The following DMD variants were observed in gnomAD, a reference collection of about 807,000 sequenced individuals.
DMD encodes mutant dystrophin.
A neutral mutation model predicts 330.1 loss-of-function variants in DMD; 63 were observed. The ratio of observed to expected loss-of-function variants is 0.19; its 90% CI spans 0.16 to 0.24. DMD has a LOEUF of 0.24. Among genes scored for constraint, DMD ranks in the 10% least tolerant of loss-of-function variants. DMD has a pLI of 1.00. For synonymous variants in DMD, 1,223 were observed against 959.8 expected, an observed-to-expected ratio of 1.27 and a Z score of -5.07; for missense variants, 3,344 against 2,684.1, an observed-to-expected ratio of 1.25 and a Z score of -5.43.
At chrX:33,096,473 T>G (rs2095166453) in intron 1 of DMD, among the ~76,000 whole-genome samples, 1 of 110,966 alleles carries the variant, frequency 9.0e-6, no homozygotes, top group Admixed American at 9.6e-5. Flanking sequence ...TGCGATCTGT[T>G]TGAAGCCATG....
intron 45 of DMD, among the ~76,000 whole-genome samples, chrX:31,966,957 GTATA>G (rs1300132943): frequency 9.1e-6 from 1 of 109,396 alleles, no homozygotes; most frequent in Non-Finnish European, 1.9e-5. Context: ...AATTCTCTCC[GTATA>G]TATATATTTA....
intron 11 of DMD, among the ~76,000 whole-genome samples, chrX:32,632,436 T>C (rs7055232): frequency 5.5e-4 from 62 of 112,058 alleles, no homozygotes; most frequent in African/African-American, 1.9e-3. Context: ...TTCTTACAGG[T>C]CCACTAGGCA....
intron 2 of DMD, among the ~76,000 whole-genome samples, chrX:32,966,318 T>C (rs1031812883): frequency 9.0e-6 from 1 of 111,591 alleles, no homozygotes; most frequent in Admixed American, 9.6e-5. Flanking sequence ...AAAAATCATC[T>C]TGCAGATACA....
At chrX:32,827,660 CTTTTTT>C (rs5902039) in intron 4 of DMD, among the ~76,000 whole-genome samples, 1 of 72,283 alleles carries the variant, frequency 1.4e-5, no homozygotes, top group African/African-American at 5.6e-5. Context: ...ATTAACTCCC[CTTTTTT>C]TTTTTTTTTT....
At chrX:32,474,208 T>TACACAC (rs3045001) in intron 21 of DMD, among the ~76,000 whole-genome samples, 65 of 41,320 alleles carry the variant, frequency 1.6e-3, no homozygotes, top group African/African-American at 2.8e-3. Flanking sequence ...CATACATACA[T>TACACAC]ACACACACAC....
chrX:32,289,741 A>C (rs760760144), intron 42 of DMD, among the ~76,000 whole-genome samples: 1 of 111,634 alleles, frequency 9.0e-6, no homozygotes, highest in South Asian at 3.8e-4. Context: ...ATGCATGGCA[A>C]TGTCAAGAAG....
chrX:31,215,535 C>T (rs1375521884), intron 64 of DMD, among the ~76,000 whole-genome samples: 1 of 111,798 alleles, frequency 8.9e-6, no homozygotes, highest in Non-Finnish European at 1.9e-5. Context: ...GTTCTTCTTT[C>T]ACAGGACATA....
chrX:31,672,856 G>A (rs1460877181), intron 53 of DMD, among the ~76,000 whole-genome samples: 1 of 111,888 alleles, frequency 8.9e-6, no homozygotes, highest in Non-Finnish European at 1.9e-5. Flanking sequence ...ATTCTCCAGA[G>A]CTTCACTGGA....
intron 44 of DMD, among the ~76,000 whole-genome samples, chrX:32,135,717 C>T (rs2096721437): frequency 8.9e-6 from 1 of 112,221 alleles, no homozygotes; most frequent in Non-Finnish European, 1.9e-5. Flanking sequence ...AAGACTTTGT[C>T]TCAAAAAAAT....
In DMD at chrX:32,468,516, A is replaced by C; in HGVS notation, c.3144T>G (p.Asn1048Lys). Residue 1048 changes from asparagine (N) to lysine (K), a missense_variant, in exon 23 of 79, where the codon AAT becomes AAG. Physicochemically the swap from Asn to Lys is moderately conservative, Grantham distance 94. Transcript: ENST00000357033. The part of the protein sequence containing the change: ...EHCQKLEEQM[N>K]KLRKIQNHIQ... Reference sequence around the variant, plus strand: ...GAATTACCTGAATTTTTCGGAGTTTATTCATTTGCTCCTCTAGCTTTTGAC... The same window carrying C: ...GAATTACCTGAATTTTTCGGAGTTTCTTCATTTGCTCCTCTAGCTTTTGAC... The C allele has an allele frequency of 8.3e-7, 1 of 1,207,804 alleles. No homozygotes were observed.
chrX:31,284,492 C>T (rs1351046458), intron 62 of DMD, among the ~76,000 whole-genome samples: 1 of 111,105 alleles, frequency 9.0e-6, no homozygotes, highest in Non-Finnish European at 1.9e-5. Flanking sequence ...CTTTGTATCA[C>T]TGCCATGGTG....
chrX:31,833,136 T>C (rs966335151), intron 49 of DMD, among the ~76,000 whole-genome samples: 5 of 111,034 alleles, frequency 4.5e-5, no homozygotes. Context: ...TAATATATTA[T>C]ACCAAAACTA....
intron 2 of DMD, among the ~76,000 whole-genome samples, chrX:32,939,336 G>C (rs764710943): frequency 1.8e-5 from 2 of 109,062 alleles, no homozygotes; most frequent in Non-Finnish European, 3.8e-5. Context: ...AAACACTAAT[G>C]ACCAAAAAAC....
At chrX:31,410,040 G>C (rs1430618579) in intron 60 of DMD, among the ~76,000 whole-genome samples, 1 of 111,684 alleles carries the variant, frequency 9.0e-6, no homozygotes, top group Non-Finnish European at 1.9e-5. Flanking sequence ...GGCTGGTCTT[G>C]AACGTCTGAC....
chrX:32,696,296 T>G (rs1174096903), intron 9 of DMD, among the ~76,000 whole-genome samples: 1 of 112,070 alleles, frequency 8.9e-6, no homozygotes, highest in Non-Finnish European at 1.9e-5. Context: ...AGGCATACAC[T>G]TATCAAACCT....
chrX:31,795,771 G>C (rs1462761062), intron 50 of DMD, among the ~76,000 whole-genome samples: 1 of 111,913 alleles, frequency 8.9e-6, no homozygotes, highest in Non-Finnish European at 1.9e-5. Context: ...ATTTTAAAAT[G>C]ATAATATGGA....
chrX:33,259,982 C>A (rs1362679319), intron 1 of DMD, among the ~76,000 whole-genome samples: 2 of 110,646 alleles, frequency 1.8e-5, no homozygotes, highest in African/African-American at 6.6e-5. Context: ...GGAAGGAGAG[C>A]TTGATTGTTT....
intron 2 of DMD, among the ~76,000 whole-genome samples, chrX:32,919,548 T>C (rs1009054514): frequency 8.9e-6 from 1 of 111,962 alleles, no homozygotes; most frequent in Admixed American, 9.5e-5. Context: ...ATTCAGTCTA[T>C]TCTACTGAAT....
intron 44 of DMD, among the ~76,000 whole-genome samples, chrX:32,040,942 T>C (rs2095996727): frequency 9.0e-6 from 1 of 111,195 alleles, no homozygotes; most frequent in Admixed American, 9.5e-5. Flanking sequence ...GATAACAATG[T>C]ATACAGACAC....
Sources: gnomAD v4.1 joint callset for allele counts (sites outside exome capture counted in the v4.1 genomes callset) on GRCh38, gnomAD v4.1.1 for gene constraint, MANE v1.5 for transcripts, NCBI Gene and HGNC (gene_info 2026-07-23, HGNC 2026-07-21) for gene names.